The following ADAMTS18 variants were observed in gnomAD, a reference collection of about 807,000 sequenced individuals.
ADAMTS18 encodes the protein A disintegrin and metalloproteinase with thrombospondin motifs 18.
ADAMTS18 carries 157 observed loss-of-function variants against 165.9 expected under a neutral mutation model. The observed-to-expected ratio is 0.95, with a 90% CI of 0.83 to 1.08. ADAMTS18 has a LOEUF of 1.08. ADAMTS18 is among the 50% of genes least tolerant of loss of function. The pLI, the probability that ADAMTS18 is intolerant of heterozygous loss-of-function variation, is 0.00. For synonymous variants in ADAMTS18, 782 were observed against 578.2 expected (o/e 1.35, Z -5.06); for missense variants, 2,040 against 1,534.0 (o/e 1.33, Z -5.51).
chr16:77,367,426 A>G lies in ADAMTS18; in HGVS notation c.778+15T>C, dbSNP rs2056811352. The stretch of plus-strand genomic sequence containing the variant: ...CCCACATAAGAACAGAAAAAGAAAA[A>G]GTTTCCTTACATACATTTCTTGCGT... On this transcript the variant is annotated intron_variant, in intron 4 of 22. Transcript: ENST00000282849. The G allele has an allele frequency of 1.2e-6, 2 of 1,614,066 alleles. No individual in the cohort carries two copies. The highest frequency in any genetic ancestry group is 1.7e-4 in the Middle Eastern group (1 of 6,000).
intron 3 of ADAMTS18, among the ~76,000 whole-genome samples, chr16:77,373,970 G>A (rs1310008544): frequency 6.6e-6 from 1 of 152,128 alleles, no homozygotes; most frequent in Admixed American, 6.5e-5. Flanking sequence ...TGTAATCCCA[G>A]CACTTCAGGA....
At chr16:77,315,860 C>A (rs1490518227) in intron 16 of ADAMTS18, among the ~76,000 whole-genome samples, 1 of 152,148 alleles carries the variant, frequency 6.6e-6, no homozygotes, top group Non-Finnish European at 1.5e-5. Flanking sequence ...TTTAAACACA[C>A]ACTCAACCGC....
At chr16:77,305,591 T>C (rs769509042) in intron 16 of ADAMTS18, among the ~76,000 whole-genome samples, 4 of 152,228 alleles carry the variant, frequency 2.6e-5, no homozygotes, top group Non-Finnish European at 5.9e-5. Flanking sequence ...CCAGGTTTTC[T>C]CACCTGGATC....
chr16:77,434,315 G>T, intron 2 of ADAMTS18, 103 bp downstream of exon 2: 1 of 1,325,280 alleles, frequency 7.5e-7, no homozygotes, highest in Non-Finnish European at 1.0e-6. Flanking sequence ...GCGCACACCT[G>T]CCAGGTTAGG....
chr16:77,291,378 C>T lies in ADAMTS18; in HGVS notation c.3290G>A (p.Arg1097His), dbSNP rs150975249. The change falls in exon 21 of 23, where the codon CGT becomes CAT. Residue 1097 changes from arginine to histidine, a missense_variant. Coordinates refer to ENST00000282849, the MANE Select transcript of ADAMTS18 (RefSeq NM_199355.4). ...GTCCAGATTTGGTTTCTTAATATTACGGCATCTTCGCTCTGGGAAAGTTAT... is the reference window on the plus strand; with the variant it reads ...GTCCAGATTTGGTTTCTTAATATTATGGCATCTTCGCTCTGGGAAAGTTAT... The part of the protein sequence containing the change: ...KLITFPERRC[R>H]NIKKPNLDLE... The T allele has an allele frequency of 2.7e-4, 442 of 1,614,084 alleles. 4 individuals are homozygous for T. Among genetic ancestry groups the T allele is most frequent in the South Asian group, 2.1e-3 (194 of 91,078 alleles).
At chr16:77,403,283 C>T (rs567803509) in intron 3 of ADAMTS18, among the ~76,000 whole-genome samples, 161 of 152,292 alleles carry the variant, frequency 1.1e-3, no homozygotes, top group African/African-American at 3.4e-3. Context: ...TTAATAATAA[C>T]GACCAGCACT....
At chr16:77,382,901 G>A (rs796935430) in intron 3 of ADAMTS18, among the ~76,000 whole-genome samples, 8 of 152,236 alleles carry the variant, frequency 5.3e-5, no homozygotes, top group East Asian at 1.9e-4. Context: ...GGAAAGCGGC[G>A]GCTTGAATGT....
At chr16:77,285,086 C>G (rs973775355) in intron 22 of ADAMTS18, among the ~76,000 whole-genome samples, 2 of 152,124 alleles carry the variant, frequency 1.3e-5, no homozygotes, top group Non-Finnish European at 2.9e-5. Context: ...ATCAAGAATT[C>G]TTACTCAGAT....
rs141059272 is a variant in ADAMTS18 at position 77,426,636 on chromosome 16, C to T, written c.495+4659G>A. ...TCTCTTCCCTAGATTGTAAGCTCTACGACCTGGATCTAACATGCATCTTGT... is the reference window on the plus strand; with the variant it reads ...TCTCTTCCCTAGATTGTAAGCTCTATGACCTGGATCTAACATGCATCTTGT... On this transcript the variant is annotated intron_variant, in intron 3 of 22. Transcript: ENST00000282849. Among the ~76,000 whole-genome samples, 1,030 of 152,288 alleles carry T rather than the reference C, an allele frequency of 6.8e-3. 11 individuals carry two copies. The highest frequency in any genetic ancestry group is 0.024 in the African/African-American group (989 of 41,556).
At chr16:77,425,869 C>A (rs1487538248) in intron 3 of ADAMTS18, among the ~76,000 whole-genome samples, 2 of 151,922 alleles carry the variant, frequency 1.3e-5, no homozygotes, top group Non-Finnish European at 2.9e-5. Context: ...ATGATGAAAC[C>A]CCATCTCTAC....
Position 77,293,056 on chromosome 16 carries a change from C to G in ADAMTS18, c.3189+20G>C. 1 of 1,613,858 alleles carries G rather than the reference C, an allele frequency of 6.2e-7. No homozygotes were observed. The highest frequency in any genetic ancestry group is 8.5e-7 in the Non-Finnish European group (1 of 1,179,894). ...GGATGGTCTCAATCTCCTGACCCAG[C>G]AGTGACTTCTAATCCATACCTCGCT... On this transcript the variant is annotated intron_variant, in intron 20 of 22. Coordinates refer to ENST00000282849, the MANE Select transcript of ADAMTS18 (RefSeq NM_199355.4).
intron 3 of ADAMTS18, among the ~76,000 whole-genome samples, chr16:77,377,084 G>C (rs573037377): frequency 3.9e-4 from 59 of 152,078 alleles, no homozygotes; most frequent in Non-Finnish European, 7.9e-4. Context: ...CAAAGATCTG[G>C]GATTACAGGC....
intron 16 of ADAMTS18, among the ~76,000 whole-genome samples, chr16:77,315,148 T>C (rs2650897): frequency 0.51 from 76,674 of 151,662 alleles, 20,101 homozygotes; most frequent in African/African-American, 0.54. Flanking sequence ...TTTTCTACCA[T>C]CATGGCCTAA....
Position 77,284,072 on chromosome 16 carries a change from C to T in ADAMTS18, c.3551-1G>A. The T allele has an allele frequency of 6.3e-7, 1 of 1,595,552 alleles. No individual in the cohort carries two copies. The highest frequency in any genetic ancestry group is 8.6e-7 in the Non-Finnish European group (1 of 1,163,716). On this transcript the variant is annotated splice_acceptor_variant, in intron 22 of 22. Transcript: ENST00000282849. LOFTEE classifies it high-confidence loss of function. ...AAGAAATCTACGCAGGATGGATCCT[C>T]TAAAATAAGAAAATATATTTAGCAT...
chr16:77,400,348 G>T (rs1013970700), intron 3 of ADAMTS18, among the ~76,000 whole-genome samples: 1 of 151,998 alleles, frequency 6.6e-6, no homozygotes, highest in African/African-American at 2.4e-5. Flanking sequence ...TTTGGGGATG[G>T]AGTGAGTTAA....
At chr16:77,402,735 G>A (rs181479750) in intron 3 of ADAMTS18, among the ~76,000 whole-genome samples, 1 of 152,306 alleles carries the variant, frequency 6.6e-6, no homozygotes, top group East Asian at 1.9e-4. Flanking sequence ...GATGAGCACT[G>A]TTGGCCTCCA....
chr16:77,400,763 C>A (rs371390686), intron 3 of ADAMTS18, among the ~76,000 whole-genome samples: 48 of 152,024 alleles, frequency 3.2e-4, no homozygotes, highest in African/African-American at 1.1e-3. Flanking sequence ...GCCACCACGC[C>A]TGGCCTCTCT....
intron 3 of ADAMTS18, among the ~76,000 whole-genome samples, chr16:77,387,060 C>T (rs1484535950): frequency 6.6e-6 from 1 of 152,162 alleles, no homozygotes; most frequent in Non-Finnish European, 1.5e-5. Flanking sequence ...TAATATGCCC[C>T]ACCCAGATTC....
intron 3 of ADAMTS18, among the ~76,000 whole-genome samples, chr16:77,422,381 G>C (rs2057614516): frequency 6.6e-6 from 1 of 151,770 alleles, no homozygotes; most frequent in Non-Finnish European, 1.5e-5. Context: ...CACACATGCA[G>C]AAGGAAGCCA....
Sources: allele counts gnomAD v4.1 joint callset (sites outside exome capture counted in the v4.1 genomes callset), GRCh38; gene constraint gnomAD v4.1.1; transcripts MANE v1.5; gene names NCBI Gene and HGNC (gene_info 2026-07-23, HGNC 2026-07-21).